The following GPC3 variants were observed in gnomAD, a reference collection of about 807,000 sequenced individuals.
The protein encoded by GPC3 is glypican 3.
In GPC3, 3 loss-of-function variants were observed where a neutral mutation model predicts 34.4. The ratio of observed to expected loss-of-function variants is 0.09; its 90% confidence interval spans 0.04 to 0.23. GPC3 has a LOEUF of 0.23. Ranked by LOEUF, GPC3 falls within the 10% of genes least tolerant of loss-of-function variation. The pLI is 1.00. For synonymous variants in GPC3, 177 were observed against 174.0 expected (o/e 1.02, Z -0.13); for missense variants, 351 against 445.6 (o/e 0.79, Z 1.91).
At chrX:133,704,072 G>C in intron 3 of GPC3, 2 of 317,976 alleles carry the variant, frequency 6.3e-6, no homozygotes, top group Non-Finnish European at 1.1e-5. Context: ...GCAAGCTGCA[G>C]GTTGGACAAG....
At chrX:133,815,216 T>C (rs2075684556) in intron 2 of GPC3, among the ~76,000 whole-genome samples, 1 of 105,663 alleles carries the variant, frequency 9.5e-6, no homozygotes, top group Non-Finnish European at 2.0e-5. Flanking sequence ...ATTTTAGGAA[T>C]TATGCATCAT....
At chrX:133,554,405 C>T (rs780418411) in intron 7 of GPC3, among the ~76,000 whole-genome samples, 2 of 109,389 alleles carry the variant, frequency 1.8e-5, no homozygotes, top group East Asian at 5.7e-4. Context: ...CTGTTAGATA[C>T]AGTGAGTTCT....
At chrX:133,570,560 T>C (rs2069620099) in intron 7 of GPC3, among the ~76,000 whole-genome samples, 1 of 112,604 alleles carries the variant, frequency 8.9e-6, no homozygotes, top group Admixed American at 9.4e-5. Flanking sequence ...GGCACATCTG[T>C]GGACGACTCA....
At chrX:133,656,149 T>A (rs1214826981) in intron 6 of GPC3, among the ~76,000 whole-genome samples, 1 of 112,438 alleles carries the variant, frequency 8.9e-6, no homozygotes, top group African/African-American at 3.2e-5. Context: ...AATGTGGTGG[T>A]TAGTTTTCCA....
intron 2 of GPC3, among the ~76,000 whole-genome samples, chrX:133,948,512 G>T (rs2076379110): frequency 9.0e-6 from 1 of 111,313 alleles, no homozygotes; most frequent in Non-Finnish European, 1.9e-5. Context: ...ACTGAGTGAG[G>T]ATCAACTGAA....
intron 6 of GPC3, among the ~76,000 whole-genome samples, chrX:133,602,390 CT>C (rs1401975212): frequency 3.6e-5 from 4 of 111,379 alleles, no homozygotes; most frequent in Non-Finnish European, 5.7e-5. Flanking sequence ...ACCTGGGATC[CT>C]CCTTCTATCA....
At chrX:133,757,133 C>A (rs1238349683) in intron 2 of GPC3, among the ~76,000 whole-genome samples, 1 of 112,070 alleles carries the variant, frequency 8.9e-6, no homozygotes, top group Non-Finnish European at 1.9e-5. Context: ...AAAATCAGAG[C>A]TATCATGAAC....
intron 2 of GPC3, among the ~76,000 whole-genome samples, chrX:133,793,856 G>A (rs929732069): frequency 9.0e-6 from 1 of 111,731 alleles, no homozygotes; most frequent in Non-Finnish European, 1.9e-5. Flanking sequence ...TAAAAAAGTT[G>A]AGAGTGTTTA....
intron 2 of GPC3, chrX:133,763,208 C>A: frequency 1.6e-6 from 1 of 615,046 alleles, no homozygotes; most frequent in East Asian, 3.3e-5. Flanking sequence ...ACAGAGGCAT[C>A]TTATGTTAAT....
At chrX:133,590,395 A>C (rs1364239592) in intron 7 of GPC3, among the ~76,000 whole-genome samples, 1 of 111,776 alleles carries the variant, frequency 8.9e-6, no homozygotes, top group African/African-American at 3.3e-5. Context: ...ACAGGCGAAG[A>C]TGTAACCATG....
intron 3 of GPC3, among the ~76,000 whole-genome samples, chrX:133,734,102 T>C (rs187214711): frequency 2.3e-4 from 26 of 111,903 alleles, no homozygotes; most frequent in Non-Finnish European, 4.0e-4. Flanking sequence ...AAGCAAACTA[T>C]AGACCAATAT....
chrX:133,804,481 T>C (rs2075626461), intron 2 of GPC3, among the ~76,000 whole-genome samples: 1 of 108,925 alleles, frequency 9.2e-6, no homozygotes, highest in African/African-American at 3.3e-5. Context: ...GCCCTGACCT[T>C]TTTTTTTTGA....
At chrX:133,684,889 T>A (rs1409911859) in intron 5 of GPC3, among the ~76,000 whole-genome samples, 7 of 110,668 alleles carry the variant, frequency 6.3e-5, no homozygotes, top group Non-Finnish European at 9.4e-5. Flanking sequence ...GGTCTTTTTT[T>A]TTTTTTACTT....
At chrX:133,621,789 C>A (rs1243359264) in intron 6 of GPC3, among the ~76,000 whole-genome samples, 2 of 112,205 alleles carry the variant, frequency 1.8e-5, no homozygotes, top group Non-Finnish European at 1.9e-5. Flanking sequence ...TGTCTGACAG[C>A]TTTGAAGAGA....
At chrX:133,784,062 A>G (rs952392009) in intron 2 of GPC3, among the ~76,000 whole-genome samples, 3 of 111,613 alleles carry the variant, frequency 2.7e-5, no homozygotes, top group Admixed American at 9.5e-5. Flanking sequence ...TGTGCTTCTA[A>G]AGAAACACAT....
At chrX:133,599,514 T>C (rs564156281) in intron 6 of GPC3, among the ~76,000 whole-genome samples, 1 of 111,338 alleles carries the variant, frequency 9.0e-6, no homozygotes, top group South Asian at 3.9e-4. Context: ...ACAAATAACA[T>C]CTTAGTACTG....
intron 2 of GPC3, among the ~76,000 whole-genome samples, chrX:133,824,399 C>T (rs764708345): frequency 9.0e-6 from 1 of 111,105 alleles, no homozygotes; most frequent in East Asian, 2.8e-4. Context: ...ATCATAGAAG[C>T]AGAGAGTAGA....
intron 2 of GPC3, among the ~76,000 whole-genome samples, chrX:133,896,937 C>T (rs1258111453): frequency 1.7e-4 from 17 of 98,411 alleles, no homozygotes; most frequent in Non-Finnish European, 3.0e-4. Context: ...GATGGAGTCT[C>T]GCTCTGTCGC....
intron 5 of GPC3, among the ~76,000 whole-genome samples, chrX:133,667,281 C>G (rs2070777429): frequency 1.8e-5 from 2 of 111,394 alleles, no homozygotes; most frequent in African/African-American, 6.5e-5. Context: ...CCATATTATA[C>G]ATTATATTCC....
Sources: gnomAD v4.1 joint callset for allele counts (sites outside exome capture counted in the v4.1 genomes callset) on GRCh38, gnomAD v4.1.1 for gene constraint, MANE v1.5 for transcripts, NCBI Gene and HGNC (gene_info 2026-07-23, HGNC 2026-07-21) for gene names.